The following SDK1 variants were observed in gnomAD, a reference collection of about 807,000 sequenced individuals.
SDK1 encodes sidekick cell adhesion molecule 1.
Under a neutral mutation model 245.5 loss-of-function variants are expected in SDK1, and 157 were observed. That is an observed-to-expected ratio of 0.64 (90% CI 0.56 to 0.73). The LOEUF (loss-of-function observed/expected upper bound fraction) is 0.73, where lower values mean the gene tolerates loss of function less well. Ranked by LOEUF, SDK1 falls within the 30% of genes least tolerant of loss-of-function variation. The pLI is 0.00. For missense variants in SDK1, 3,583 were observed against 3,002.3 expected, an observed-to-expected ratio of 1.19 and a Z score of -4.52; for synonymous variants, 1,647 against 1,278.5, an observed-to-expected ratio of 1.29 and a Z score of -6.15.
intron 5 of SDK1, among the ~76,000 whole-genome samples, chr7:3,910,806 AT>A (rs1331549298): frequency 4.6e-5 from 7 of 152,328 alleles, no homozygotes; most frequent in African/African-American, 1.4e-4. Flanking sequence ...CTCGTGATCA[AT>A]TATCCAGAAA....
At chr7:4,112,083 C>T (rs1783386732) in intron 23 of SDK1, among the ~76,000 whole-genome samples, 1 of 152,170 alleles carries the variant, frequency 6.6e-6, no homozygotes. Context: ...ATCAGGAGAT[C>T]CTGGCAACAT....
chr7:3,788,294 T>C (rs959933859), intron 4 of SDK1, among the ~76,000 whole-genome samples: 1 of 152,184 alleles, frequency 6.6e-6, no homozygotes, highest in African/African-American at 2.4e-5. Context: ...TCTCACCTTG[T>C]GTCTCCCTCC....
intron 1 of SDK1, among the ~76,000 whole-genome samples, chr7:3,462,430 C>G (rs1780862452): frequency 6.6e-6 from 1 of 152,140 alleles, no homozygotes; most frequent in African/African-American, 2.4e-5. Flanking sequence ...CTGTTCCATT[C>G]TCAACCTACA....
intron 7 of SDK1, among the ~76,000 whole-genome samples, chr7:3,955,523 T>C (rs1368430182): frequency 1.3e-5 from 2 of 152,156 alleles, no homozygotes; most frequent in East Asian, 3.9e-4. Context: ...TCCAGAGGTG[T>C]GGGTGTGGAC....
intron 4 of SDK1, among the ~76,000 whole-genome samples, chr7:3,818,745 T>C (rs1395067264): frequency 6.6e-6 from 1 of 152,210 alleles, no homozygotes; most frequent in South Asian, 2.1e-4. Context: ...CTCTATGAGA[T>C]AATGAAGGAC....
intron 12 of SDK1, among the ~76,000 whole-genome samples, chr7:3,972,763 A>C (rs1190247885): frequency 6.6e-6 from 1 of 152,096 alleles, no homozygotes; most frequent in Non-Finnish European, 1.5e-5. Context: ...GCGCTTCTTG[A>C]GCGGGTGTTT....
At chr7:3,832,136 C>T (rs1779928052) in intron 5 of SDK1, among the ~76,000 whole-genome samples, 2 of 152,156 alleles carry the variant, frequency 1.3e-5, no homozygotes, top group African/African-American at 4.8e-5. Context: ...GTATTATCCC[C>T]TTTTTGCAGA....
At chr7:3,562,598 C>T (rs1004764844) in intron 1 of SDK1, among the ~76,000 whole-genome samples, 3 of 152,168 alleles carry the variant, frequency 2.0e-5, no homozygotes, top group African/African-American at 7.2e-5. Flanking sequence ...CCATAGGTGT[C>T]TGGAGAGTCT....
At chr7:4,161,900 C>T in intron 32 of SDK1, 44 bp downstream of exon 32, 9 of 1,542,528 alleles carry the variant, frequency 5.8e-6, no homozygotes, top group Non-Finnish European at 8.1e-6. Flanking sequence ...AATGTGTTCT[C>T]ATTTCCCTGC....
chr7:3,612,177 A>C (rs527592492), intron 1 of SDK1, among the ~76,000 whole-genome samples: 9 of 152,286 alleles, frequency 5.9e-5, no homozygotes, highest in Non-Finnish European at 5.9e-5. Flanking sequence ...AAATCTCACA[A>C]ATCACCACTA....
At chr7:4,029,916 G>A (rs1424251484) in intron 17 of SDK1, among the ~76,000 whole-genome samples, 1 of 152,236 alleles carries the variant, frequency 6.6e-6, no homozygotes, top group Admixed American at 6.5e-5. Flanking sequence ...CCAACATGCT[G>A]CACTCGGATA....
At chr7:4,054,065 A>G (rs1779050860) in intron 19 of SDK1, among the ~76,000 whole-genome samples, 1 of 152,006 alleles carries the variant, frequency 6.6e-6, no homozygotes, top group Admixed American at 6.6e-5. Context: ...TGGCCTCTCA[A>G]GTAGCTGGTA....
intron 1 of SDK1, among the ~76,000 whole-genome samples, chr7:3,437,843 G>C (rs1174629380): frequency 6.6e-6 from 1 of 152,170 alleles, no homozygotes; most frequent in Non-Finnish European, 1.5e-5. Flanking sequence ...CTGAATAGAA[G>C]TTCCATCTTT....
At chr7:3,387,204 G>A (rs1045286504) in intron 1 of SDK1, among the ~76,000 whole-genome samples, 1 of 152,058 alleles carries the variant, frequency 6.6e-6, no homozygotes, top group Admixed American at 6.6e-5. Flanking sequence ...ATGTGTACTA[G>A]GGATTGCCTA....
intron 4 of SDK1, among the ~76,000 whole-genome samples, chr7:3,817,542 A>C (rs1562465715): frequency 1.3e-5 from 2 of 152,186 alleles, no homozygotes; most frequent in African/African-American, 4.8e-5. Context: ...TGTTTTCACC[A>C]ACCATAAATC....
chr7:3,619,145 C>T lies in SDK1; in HGVS notation c.364C>T (p.Leu122Phe), dbSNP rs570967973. Reference sequence around the variant, plus strand: ...ACAGATCCACCTGGAAGGGAACCGCCTTGTTCTCACCTGCCTTGCCGAAGG... The same window carrying T: ...ACAGATCCACCTGGAAGGGAACCGCTTTGTTCTCACCTGCCTTGCCGAAGG... ...LPQIHLEGNR[L>F]VLTCLAEGSW... The change falls in exon 2 of 45, where the codon CTT (leucine) becomes TTT (phenylalanine). Residue 122 changes from leucine to phenylalanine, a missense_variant. Leu to Phe is a conservative substitution (Grantham distance 22). Transcript: ENST00000404826. 6.2e-6 allele frequency: 10 copies of T among 1,613,982 alleles called. No individual in the cohort carries two copies. In the South Asian group the frequency reaches 9.9e-5, roughly 16 times the overall value.
intron 1 of SDK1, among the ~76,000 whole-genome samples, chr7:3,415,943 C>G (rs1052219389): frequency 6.6e-6 from 1 of 152,034 alleles, no homozygotes; most frequent in Non-Finnish European, 1.5e-5. Context: ...GTCTCTGCTC[C>G]CTACCTTCAT....
intron 1 of SDK1, among the ~76,000 whole-genome samples, chr7:3,336,668 A>G (rs568225890): frequency 9.9e-5 from 15 of 151,470 alleles, no homozygotes; most frequent in Non-Finnish European, 1.8e-4. Context: ...TCCTGGATGC[A>G]GCAACAAACT....
At chr7:3,804,001 TG>T (rs1416895856) in intron 4 of SDK1, among the ~76,000 whole-genome samples, 1 of 152,152 alleles carries the variant, frequency 6.6e-6, no homozygotes, top group Non-Finnish European at 1.5e-5. Context: ...CCTGACCTCG[TG>T]ATCCACCTGC....
Sources: gnomAD v4.1 joint callset for allele counts (sites outside exome capture counted in the v4.1 genomes callset) on GRCh38, gnomAD v4.1.1 for gene constraint, MANE v1.5 for transcripts, NCBI Gene and HGNC (gene_info 2026-07-23, HGNC 2026-07-21) for gene names.